The following PGBD5 variants were observed in gnomAD, a reference collection of about 807,000 sequenced individuals.
PGBD5 encodes the protein piggyBac transposable element derived 5.
Under a neutral mutation model 47.9 loss-of-function variants are expected in PGBD5, and 14 were observed. That is an observed-to-expected ratio of 0.29 (90% confidence interval 0.19 to 0.46). PGBD5 has a LOEUF of 0.46. PGBD5 is among the 20% of genes least tolerant of loss of function. The pLI, the probability that PGBD5 is intolerant of heterozygous loss-of-function variation, is 1.00. For missense variants in PGBD5, 635 were observed against 716.0 expected, an observed-to-expected ratio of 0.89 and a Z score of 1.29; for synonymous variants, 316 against 306.3, an observed-to-expected ratio of 1.03 and a Z score of -0.33.
intron 1 of PGBD5, among the ~76,000 whole-genome samples, chr1:230,379,952 T>C (rs1013993260): frequency 6.6e-6 from 1 of 152,250 alleles, no homozygotes; most frequent in Admixed American, 6.5e-5. Context: ...GTCTGGCTCC[T>C]GCACCTCATT....
intron 5 of PGBD5, among the ~76,000 whole-genome samples, chr1:230,328,232 G>A (rs532321188): frequency 6.6e-6 from 1 of 152,134 alleles, no homozygotes; most frequent in Admixed American, 6.5e-5. Context: ...CCTCACCACG[G>A]GACATGGGAG....
chr1:230,368,953 C>T (rs2632568), intron 1 of PGBD5, among the ~76,000 whole-genome samples: 109,415 of 152,242 alleles, frequency 0.72, 39,755 homozygotes, highest in African/African-American at 0.74. Flanking sequence ...GACATAAAAA[C>T]GTGCTACCAT....
intron 1 of PGBD5, among the ~76,000 whole-genome samples, chr1:230,412,540 C>A (rs1267402598): frequency 1.3e-5 from 2 of 152,006 alleles, no homozygotes; most frequent in African/African-American, 2.4e-5. Flanking sequence ...AGGCACCCAC[C>A]ACCACACCTG....
intron 1 of PGBD5, among the ~76,000 whole-genome samples, chr1:230,409,209 C>T (rs920562675): frequency 6.6e-6 from 1 of 152,164 alleles, no homozygotes; most frequent in Non-Finnish European, 1.5e-5. Context: ...CAGGCATTAA[C>T]AAGTGCTGAC....
intron 1 of PGBD5, among the ~76,000 whole-genome samples, chr1:230,358,089 A>G (rs1667684693): frequency 6.6e-6 from 1 of 152,124 alleles, no homozygotes. Flanking sequence ...ATATATGTAT[A>G]TACATTTAAA....
intron 1 of PGBD5, among the ~76,000 whole-genome samples, chr1:230,364,742 C>T (rs1259184777): frequency 6.6e-6 from 1 of 152,208 alleles, no homozygotes. Flanking sequence ...AAAAGCTGGC[C>T]AGGCGCAGTG....
chr1:230,345,862 C>T (rs1324276946), intron 3 of PGBD5, among the ~76,000 whole-genome samples: 1 of 152,172 alleles, frequency 6.6e-6, no homozygotes, highest in Non-Finnish European at 1.5e-5. Flanking sequence ...CTAGGCTAAA[C>T]TATGCTCTTT....
At chr1:230,351,211 A>G (rs1667556783) in intron 2 of PGBD5, 119 bp from the exon 3 acceptor site, 1 of 1,140,828 alleles carries the variant, frequency 8.8e-7, no homozygotes, top group African/African-American at 1.6e-5. Context: ...TAACTAAGTT[A>G]CTTTACCTCT....
chr1:230,319,412 G>C lies in PGBD5; in HGVS notation c.*4013C>G, dbSNP rs1459643537. 6.6e-6 allele frequency: 1 copy of C among 152,130 alleles called. No individual in the cohort carries two copies. Among genetic ancestry groups the C allele is most frequent in the Non-Finnish European group, 1.5e-5 (1 of 68,040 alleles). The allele number at this position is 152,130 out of a possible 1,614,324, so 9.4% of individuals were successfully genotyped here. A position where few individuals can be genotyped will look rare whatever the true frequency, so the allele number is the denominator to read the frequency against. ...TTGACTTGTTCTCGCCCCAATCCCA[G>C]GCAAGTGGGGAAATGTTTTTTTTTT... On this transcript the variant is annotated 3_prime_UTR_variant, in exon 7 of 7. Transcript: ENST00000391860.
intron 1 of PGBD5, among the ~76,000 whole-genome samples, chr1:230,417,049 T>C (rs1657533084): frequency 6.6e-6 from 1 of 152,216 alleles, no homozygotes; most frequent in African/African-American, 2.4e-5. Context: ...TTCTTAAATA[T>C]ATGCCTAAAT....
chr1:230,390,887 G>A (rs114271080), intron 1 of PGBD5, among the ~76,000 whole-genome samples: 4,943 of 152,140 alleles, frequency 0.032, 111 homozygotes, highest in South Asian at 0.08. Context: ...TTACAGGAAC[G>A]CACCACCACA....
chr1:230,370,958 C>T (rs17765313), intron 1 of PGBD5, among the ~76,000 whole-genome samples: 6,566 of 152,274 alleles, frequency 0.043, 160 homozygotes, highest in South Asian at 0.07. Flanking sequence ...AATCACATTT[C>T]CTGGTGTGCC....
intron 1 of PGBD5, among the ~76,000 whole-genome samples, chr1:230,407,681 GA>G (rs1015739826): frequency 6.6e-6 from 1 of 151,066 alleles, no homozygotes; most frequent in Admixed American, 6.6e-5. Context: ...AATGTTCATA[GA>G]AAAAAAAATC....
chr1:230,410,161 G>T (rs1208408135), intron 1 of PGBD5, among the ~76,000 whole-genome samples: 2 of 152,158 alleles, frequency 1.3e-5, no homozygotes, highest in African/African-American at 4.8e-5. Flanking sequence ...GAGCTTAAAG[G>T]CACTGATGGA....
At chr1:230,346,769 C>T (rs1306685240) in intron 3 of PGBD5, among the ~76,000 whole-genome samples, 2 of 152,150 alleles carry the variant, frequency 1.3e-5, no homozygotes, top group Admixed American at 6.5e-5. Flanking sequence ...TCCTGTAGTC[C>T]TGCGACGTAC....
rs1412223399 is a variant in PGBD5 at position 230,425,930 on chromosome 1, G to T, written c.-2C>A. The T allele has an allele frequency of 3.1e-6, 3 of 976,566 alleles. No homozygotes were observed. The highest frequency in any genetic ancestry group is 3.6e-6 in the Non-Finnish European group (3 of 839,084). The allele number at this position is 976,566 out of a possible 1,614,324, so 60.5% of individuals were successfully genotyped here. A position where few individuals can be genotyped will look rare whatever the true frequency, so the allele number is the denominator to read the frequency against. Reference sequence around the variant, plus strand: ...CGCGCCCCCGCCGCCCTCGGCCATGGCCCCGGCCGCCGCCCGCGCGCCCGC... The same window carrying T: ...CGCGCCCCCGCCGCCCTCGGCCATGTCCCCGGCCGCCGCCCGCGCGCCCGC... On this transcript the variant is annotated 5_prime_UTR_variant, in exon 1 of 7. Transcript: ENST00000391860. The surrounding 1 kb of genome is among the most constrained non-coding windows in gnomAD (Gnocchi z 4.7).
chr1:230,346,091 G>C (rs755253206), intron 3 of PGBD5, among the ~76,000 whole-genome samples: 13 of 152,140 alleles, frequency 8.5e-5, no homozygotes, highest in South Asian at 2.1e-4. Context: ...ACCCAGGCTG[G>C]AGTGAAGTGG....
In PGBD5 at chr1:230,351,057, T is replaced by A. The variant is rs200158027; in HGVS notation, c.795A>T (p.Val265=). The A allele has an allele frequency of 1.5e-4, 248 of 1,613,746 alleles. No homozygotes were observed. The highest frequency in any genetic ancestry group is 3.3e-5 in the Admixed American group (2 of 59,956). ...CCCGCTCTGTGCACGTGGCAATGAATACAGGATCCTCATCGATCAGGGGTT... is the reference window on the plus strand; with the variant it reads ...CCCGCTCTGTGCACGTGGCAATGAAAACAGGATCCTCATCGATCAGGGGTT... ...LHEPLIDEDP[V]FIATCTEREL... Residue 265 remains valine, a synonymous_variant, in exon 3 of 7, where the codon GTA becomes GTT. Transcript: ENST00000391860.
intron 1 of PGBD5, among the ~76,000 whole-genome samples, chr1:230,396,557 T>G (rs1261488504): frequency 1.7e-5 from 2 of 120,246 alleles, no homozygotes; most frequent in Admixed American, 8.5e-5. Flanking sequence ...GTACATTTTG[T>G]TGCCCCCCCT....
Sources: allele counts gnomAD v4.1 joint callset (sites outside exome capture counted in the v4.1 genomes callset), GRCh38; gene constraint gnomAD v4.1.1; non-coding constraint Gnocchi (gnomAD v3.1); transcripts MANE v1.5; gene names NCBI Gene and HGNC (gene_info 2026-07-23, HGNC 2026-07-21).